COL8A1: variants seen among roughly 807,000 people sequenced by gnomAD.
COL8A1 encodes collagen type VIII alpha 1 chain.
COL8A1 carries 21 observed loss-of-function variants against 42.7 expected under a neutral mutation model. The observed-to-expected ratio is 0.49, with a 90% CI of 0.35 to 0.71. The LOEUF (loss-of-function observed/expected upper bound fraction) is 0.71. COL8A1 is among the 30% of genes least tolerant of loss of function. The pLI is 0.01. For missense variants in COL8A1, 788 were observed against 962.4 expected (o/e 0.82, Z 2.40); for synonymous variants, 367 against 369.1 (o/e 0.99, Z 0.06).
chr3:99,664,853 T>C (rs1206795185), intron 1 of COL8A1, among the ~76,000 whole-genome samples: 3 of 152,226 alleles, frequency 2.0e-5, no homozygotes, highest in African/African-American at 4.8e-5. Context: ...CTCCAGGACA[T>C]AAGTGGGAGT....
chr3:99,671,611 A>G (rs1019707738), intron 1 of COL8A1, among the ~76,000 whole-genome samples: 1 of 151,982 alleles, frequency 6.6e-6, no homozygotes, highest in African/African-American at 2.4e-5. Context: ...CACCTACCCC[A>G]TAGTAACCAC....
In COL8A1 at chr3:99,642,538, C is replaced by T. The variant is rs140579801; in HGVS notation, c.-129+3874C>T. The stretch of plus-strand genomic sequence containing the variant: ...TTTAGCTGACTATGTAAAATATGAA[C>T]ACACACCTGACAATTCACCTTCGGT... On this transcript the variant is annotated intron_variant, in intron 1 of 3. Transcript: ENST00000652472. 4.4e-3 allele frequency among the ~76,000 whole-genome samples: 669 copies of T among 152,302 alleles called. 6 individuals are homozygous for T. The Middle Eastern group carries it at 0.051, about 12-fold the overall frequency.
At chr3:99,713,176 C>G (rs193280826) in intron 1 of COL8A1, among the ~76,000 whole-genome samples, 1 of 152,164 alleles carries the variant, frequency 6.6e-6, no homozygotes, top group Admixed American at 6.5e-5. Context: ...CCCCAGTTTA[C>G]AGATAAGGAG....
intron 1 of COL8A1, among the ~76,000 whole-genome samples, chr3:99,733,576 C>A (rs1940595568): frequency 6.6e-6 from 1 of 151,982 alleles, no homozygotes; most frequent in Admixed American, 6.6e-5. Context: ...GGGTCCAAGT[C>A]TTTGCTATTG....
chr3:99,653,797 A>G (rs1294399928), intron 1 of COL8A1, among the ~76,000 whole-genome samples: 2 of 151,560 alleles, frequency 1.3e-5, no homozygotes, highest in Non-Finnish European at 2.9e-5. Flanking sequence ...CCCTGTGCAT[A>G]TTCCCTGCCA....
chr3:99,768,532 CAG>C (rs1394373473), intron 2 of COL8A1, among the ~76,000 whole-genome samples: 1 of 152,216 alleles, frequency 6.6e-6, no homozygotes, highest in East Asian at 1.9e-4. Context: ...CCATGAGGGT[CAG>C]AGACAGCACT....
intron 1 of COL8A1, among the ~76,000 whole-genome samples, chr3:99,692,269 T>C (rs1939242680): frequency 6.6e-6 from 1 of 152,182 alleles, no homozygotes; most frequent in Non-Finnish European, 1.5e-5. Flanking sequence ...CAACCTGCAT[T>C]TACCTTGTCT....
intron 1 of COL8A1, among the ~76,000 whole-genome samples, chr3:99,694,467 C>CT (rs1172242506): frequency 6.6e-6 from 1 of 151,796 alleles, no homozygotes; most frequent in African/African-American, 2.4e-5. Context: ...CAAAGTGAGA[C>CT]TCCATCTCAA....
At chr3:99,785,774 C>T (rs969736276) in intron 2 of COL8A1, among the ~76,000 whole-genome samples, 8 of 152,042 alleles carry the variant, frequency 5.3e-5, no homozygotes, top group Admixed American at 2.0e-4. Flanking sequence ...CAAGCCAAGG[C>T]GAGAGGCTCC....
intron 2 of COL8A1, among the ~76,000 whole-genome samples, chr3:99,784,015 A>G (rs747818733): frequency 3.3e-5 from 5 of 152,250 alleles, no homozygotes; most frequent in South Asian, 4.1e-4. Context: ...TCAGAAAACC[A>G]AAGAGTAAGA....
chr3:99,661,423 G>A (rs1344320278), intron 1 of COL8A1, among the ~76,000 whole-genome samples: 3 of 152,074 alleles, frequency 2.0e-5, no homozygotes, highest in East Asian at 1.9e-4. Flanking sequence ...ACCTCACACC[G>A]ACTAGGATGA....
intron 1 of COL8A1, chr3:99,680,566 G>A (rs1258918180): frequency 7.9e-5 from 12 of 152,110 alleles, no homozygotes; most frequent in African/African-American, 1.2e-4. Context: ...TTGAGGAATC[G>A]CCACACTGTC....
chr3:99,639,707 G>A (rs1262566730), intron 1 of COL8A1, among the ~76,000 whole-genome samples: 1 of 152,196 alleles, frequency 6.6e-6, no homozygotes, highest in African/African-American at 2.4e-5. Context: ...CTTGGTCCAT[G>A]AAGTTTGCCA....
intron 1 of COL8A1, among the ~76,000 whole-genome samples, chr3:99,705,944 A>G (rs1939670024): frequency 6.6e-6 from 1 of 152,218 alleles, no homozygotes; most frequent in Admixed American, 6.5e-5. Context: ...CTTAGCATAC[A>G]TTACATTTTT....
intron 1 of COL8A1, among the ~76,000 whole-genome samples, chr3:99,743,047 GAAGA>G (rs887616026): frequency 3.3e-5 from 5 of 152,142 alleles, no homozygotes; most frequent in Non-Finnish European, 7.3e-5. Flanking sequence ...AATATTTATT[GAAGA>G]ATGATATAAG....
intron 1 of COL8A1, among the ~76,000 whole-genome samples, chr3:99,650,132 A>G (rs1315726639): frequency 2.0e-5 from 3 of 152,232 alleles, no homozygotes; most frequent in South Asian, 4.2e-4. Flanking sequence ...TCCCCCAAAC[A>G]TTCCTTTTTC....
chr3:99,672,421 T>C (rs912382029), intron 1 of COL8A1, among the ~76,000 whole-genome samples: 15 of 152,098 alleles, frequency 9.9e-5, no homozygotes, highest in Admixed American at 9.8e-4. Context: ...TTGGATTACA[T>C]TCTGAGTGCT....
chr3:99,651,120 C>T (rs1281205973), intron 1 of COL8A1, among the ~76,000 whole-genome samples: 2 of 152,156 alleles, frequency 1.3e-5, no homozygotes, highest in African/African-American at 2.4e-5. Flanking sequence ...CTCAGAATGA[C>T]ACCCTATCAC....
intron 1 of COL8A1, among the ~76,000 whole-genome samples, chr3:99,719,489 C>T (rs1940090140): frequency 6.6e-6 from 1 of 152,098 alleles, no homozygotes; most frequent in African/African-American, 2.4e-5. Flanking sequence ...ATTTTCAGGT[C>T]TGGTGTGATA....
Sources: gnomAD v4.1 joint callset for allele counts (sites outside exome capture counted in the v4.1 genomes callset) on GRCh38, gnomAD v4.1.1 for gene constraint, MANE v1.5 for transcripts, NCBI Gene and HGNC (gene_info 2026-07-23, HGNC 2026-07-21) for gene names.